Variants in FMN2 observed in about 807,000 individuals in gnomAD.
The protein encoded by FMN2 is formin 2, also known as formin-2.
A neutral mutation model predicts 142.3 loss-of-function variants in FMN2; 51 were observed. The ratio of observed to expected loss-of-function variants is 0.36; its 90% CI spans 0.29 to 0.45. The LOEUF is 0.45. FMN2 is among the 20% of genes least tolerant of loss of function. The pLI is 1.00. For missense variants in FMN2, 1,936 were observed against 2,122.8 expected (o/e 0.91, Z 1.73); for synonymous variants, 882 against 869.8 (o/e 1.01, Z -0.25).
chr1:240,406,756 C>G (rs1381573212), intron 15 of FMN2, among the ~76,000 whole-genome samples: 1 of 152,062 alleles, frequency 6.6e-6, no homozygotes, highest in Non-Finnish European at 1.5e-5. Context: ...AATATAAGCT[C>G]ATGAAGGATA....
intron 7 of FMN2, among the ~76,000 whole-genome samples, chr1:240,274,211 T>C (rs1169133596): frequency 8.1e-6 from 1 of 123,608 alleles, no homozygotes; most frequent in Admixed American, 8.5e-5. Context: ...ATATGTACCA[T>C]GGGGGAAACG....
rs557968017 is a variant in FMN2 at position 240,319,926 on chromosome 1, T to C, written c.4216-9150T>C. 1.4e-4 allele frequency among the ~76,000 whole-genome samples: 22 copies of C among 152,300 alleles called. No individual in the cohort carries two copies. In the South Asian group the frequency reaches 4.6e-3, roughly 32 times the overall value. On this transcript the variant is annotated intron_variant, in intron 8 of 17. Coordinates refer to ENST00000319653, the MANE Select transcript of FMN2 (RefSeq NM_020066.5). ...TCCTGCCTATAGCGTTAATGATTTTTTTCCCCAGGAGTTGAAATAGTACAA... is the reference window on the plus strand; with the variant it reads ...TCCTGCCTATAGCGTTAATGATTTTCTTCCCCAGGAGTTGAAATAGTACAA...
chr1:240,226,639 A>G (rs1667310866), intron 6 of FMN2, among the ~76,000 whole-genome samples: 1 of 152,206 alleles, frequency 6.6e-6, no homozygotes, highest in Non-Finnish European at 1.5e-5. Flanking sequence ...GTATAATTAC[A>G]TAGTTCTCTT....
intron 15 of FMN2, among the ~76,000 whole-genome samples, chr1:240,404,117 G>A (rs371515089): frequency 1.6e-4 from 24 of 152,148 alleles, no homozygotes; most frequent in East Asian, 1.2e-3. Context: ...GAAAGAAAGC[G>A]GAATGTGGGT....
chr1:240,282,782 G>A (rs1355883453), intron 7 of FMN2, among the ~76,000 whole-genome samples: 1 of 152,182 alleles, frequency 6.6e-6, no homozygotes, highest in Non-Finnish European at 1.5e-5. Flanking sequence ...ATGGTAGCAA[G>A]TGTCTTCCTT....
rs1445830447 is a variant in FMN2 at position 240,208,498 on chromosome 1, G to T, written c.3686G>T (p.Gly1229Val). The T allele has an allele frequency of 2.7e-5, 43 of 1,609,510 alleles. No individual in the cohort carries two copies. The highest frequency in any genetic ancestry group is 3.5e-5 in the Non-Finnish European group (41 of 1,178,442). Residue 1229 changes from glycine to valine, a missense_variant, in exon 5 of 18, where the codon GGG becomes GTG. By Grantham distance (109) the Gly-to-Val change is moderately radical (BLOSUM62 -3). Around this residue, in one of 8 missense-constraint regions of FMN2, gnomAD observed 259 missense variants for 230.9 expected, o/e 1.12. Transcript: ENST00000319653. ...CCAGCTCCCCCACTCCCTCCACCTG[G>T]GACAGGAATCCCACCGCCCCCTCTG... ...PAPAPPLPPP[G>V]TGIPPPPLLP...
chr1:240,134,997 T>C (rs549870987), intron 2 of FMN2, among the ~76,000 whole-genome samples: 4 of 152,316 alleles, frequency 2.6e-5, no homozygotes, highest in Middle Eastern at 3.4e-3. Context: ...GACTCCATGC[T>C]TTCCCTAGGT....
intron 6 of FMN2, among the ~76,000 whole-genome samples, chr1:240,252,953 C>CCTTTTTTTTTTTTTTTTTTTTT (rs1668326347): frequency 1.5e-5 from 1 of 65,346 alleles, no homozygotes; most frequent in Non-Finnish European, 2.6e-5. Context: ...GTCTTGTTCA[C>CCTTTTTTTTTTTTTTTTTTTTT]TTTTTTTTTT....
At chr1:240,386,054 G>A (rs1673396498) in intron 14 of FMN2, among the ~76,000 whole-genome samples, 1 of 152,158 alleles carries the variant, frequency 6.6e-6, no homozygotes, top group Admixed American at 6.5e-5. Context: ...GCACAGCATA[G>A]AGAAGGAAGA....
At chr1:240,159,546 G>A (rs1020773610) in intron 2 of FMN2, among the ~76,000 whole-genome samples, 4 of 152,092 alleles carry the variant, frequency 2.6e-5, no homozygotes, top group African/African-American at 9.7e-5. Context: ...TGTGTGAGAA[G>A]TGGAAGGCTA....
At position 240,474,851 on chromosome 1, in the gene FMN2, T is replaced by A. The variant is rs1676924100; in HGVS notation, c.*697T>A. ...TTATAGTTGTGGATAAAGGGGAGAA[T>A]TTATTGCTCTTGCAAACCAATTATG... On this transcript the variant is annotated 3_prime_UTR_variant, in exon 18 of 18. Coordinates refer to ENST00000319653, the MANE Select transcript of FMN2 (RefSeq NM_020066.5). 6.6e-6 allele frequency: 1 copy of A among 152,596 alleles called. No homozygotes were observed. Among genetic ancestry groups the A allele is most frequent in the South Asian group, 2.1e-4 (1 of 4,830 alleles). 9.5% of individuals were successfully genotyped at this position (152,596 alleles called of 1,614,324 possible).
At chr1:240,283,877 T>G (rs1039621658) in intron 7 of FMN2, among the ~76,000 whole-genome samples, 1 of 152,154 alleles carries the variant, frequency 6.6e-6, no homozygotes, top group African/African-American at 2.4e-5. Flanking sequence ...TCCCTTTCCT[T>G]CCAGGTGACC....
At chr1:240,243,948 C>T (rs1449428700) in intron 6 of FMN2, among the ~76,000 whole-genome samples, 1 of 152,152 alleles carries the variant, frequency 6.6e-6, no homozygotes. Flanking sequence ...TTCTTGGGTG[C>T]ATTTGATAGC....
intron 6 of FMN2, among the ~76,000 whole-genome samples, chr1:240,231,938 G>C (rs901923668): frequency 1.3e-5 from 2 of 152,186 alleles, no homozygotes; most frequent in East Asian, 3.9e-4. Context: ...TCATTGCTTG[G>C]TTTCCTTCCT....
chr1:240,397,503 C>T (rs1020561239), intron 15 of FMN2, among the ~76,000 whole-genome samples: 6 of 151,998 alleles, frequency 3.9e-5, no homozygotes, highest in South Asian at 2.1e-4. Context: ...AGGCCAGGCA[C>T]GGTGGCTCAT....
At chr1:240,181,348 C>T (rs933081380) in intron 3 of FMN2, among the ~76,000 whole-genome samples, 1 of 152,196 alleles carries the variant, frequency 6.6e-6, no homozygotes, top group African/African-American at 2.4e-5. Flanking sequence ...ACATGTCCAG[C>T]TAGTTCAGAT....
Position 240,198,882 on chromosome 1 carries a change from G to A in FMN2, c.1987-7917G>A, listed in dbSNP as rs765459931. Among the ~76,000 whole-genome samples, 8 of 152,070 alleles carry A rather than the reference G, an allele frequency of 5.3e-5. 1 individual carries two copies. The highest frequency in any genetic ancestry group is 1.9e-4 in the East Asian group (1 of 5,172). ...AGCACTTTGGGAGGCCGAGGTGGGC[G>A]TATCACGATGTCAGGAGTTTGAGAC... On this transcript the variant is annotated intron_variant, in intron 4 of 17. Coordinates refer to ENST00000319653, the MANE Select transcript of FMN2 (RefSeq NM_020066.5).
intron 6 of FMN2, among the ~76,000 whole-genome samples, chr1:240,213,885 A>C (rs1239206055): frequency 6.6e-6 from 1 of 152,248 alleles, no homozygotes; most frequent in East Asian, 1.9e-4. Context: ...TTTCAGTGTG[A>C]TAATAGAAGA....
At chr1:240,263,821 A>G (rs1668708405) in intron 7 of FMN2, among the ~76,000 whole-genome samples, 1 of 152,196 alleles carries the variant, frequency 6.6e-6, no homozygotes, top group Admixed American at 6.5e-5. Flanking sequence ...AGCCCAGGGT[A>G]TGAATGGCTC....
Sources: gnomAD v4.1 joint callset for allele counts (sites outside exome capture counted in the v4.1 genomes callset) on GRCh38, gnomAD v4.1.1 for gene constraint, gnomAD v4.1.1 regional missense constraint, MANE v1.5 for transcripts, NCBI Gene and HGNC (gene_info 2026-07-23, HGNC 2026-07-21) for gene names.